Variants in TECRL observed in about 807,000 individuals in gnomAD.
TECRL encodes the protein trans-2,3-enoyl-CoA reductase-like.
In TECRL, 63 loss-of-function variants were observed where a neutral mutation model predicts 52.8. The observed-to-expected ratio is 1.19, with a 90% confidence interval of 0.97 to 1.47. TECRL has a LOEUF of 1.47. TECRL is among the 40% of genes most tolerant of loss of function. The pLI, the probability that TECRL is intolerant of heterozygous loss-of-function variation, is 0.00. For missense variants in TECRL, 482 were observed against 429.6 expected (o/e 1.12, Z -1.08); for synonymous variants, 164 against 141.9 (o/e 1.16, Z -1.10).
chr4:64,352,949 G>A (rs1720498873), intron 2 of TECRL, among the ~76,000 whole-genome samples: 2 of 152,108 alleles, frequency 1.3e-5, no homozygotes, highest in Non-Finnish European at 2.9e-5. Flanking sequence ...AACATTTTGA[G>A]CTCAAGTGAT....
At chr4:64,317,658 G>C (rs569541576) in intron 4 of TECRL, among the ~76,000 whole-genome samples, 1 of 152,266 alleles carries the variant, frequency 6.6e-6, no homozygotes, top group African/African-American at 2.4e-5. Flanking sequence ...GATAAAGATT[G>C]TGGTTTTTTT....
intron 1 of TECRL, among the ~76,000 whole-genome samples, chr4:64,388,364 T>A (rs1253167351): frequency 6.6e-6 from 1 of 151,990 alleles, no homozygotes; most frequent in African/African-American, 2.4e-5. Context: ...GGTTTTCAAT[T>A]CTGTATCATT....
At chr4:64,303,033 A>C (rs1305070534) in intron 7 of TECRL, among the ~76,000 whole-genome samples, 1 of 151,302 alleles carries the variant, frequency 6.6e-6, no homozygotes, top group African/African-American at 2.4e-5. Flanking sequence ...CCTAAAGATA[A>C]TGTAGTTTGT....
intron 8 of TECRL, among the ~76,000 whole-genome samples, chr4:64,297,335 A>G (rs2109966549): frequency 6.6e-6 from 1 of 151,458 alleles, no homozygotes; most frequent in African/African-American, 2.4e-5. Flanking sequence ...TTACATAACG[A>G]CAGGAACAAA....
chr4:64,346,856 T>C (rs1010973039), intron 2 of TECRL, among the ~76,000 whole-genome samples: 5 of 152,242 alleles, frequency 3.3e-5, no homozygotes, highest in African/African-American at 1.2e-4. Context: ...TTTTCATATG[T>C]TTGCTTTTAG....
At chr4:64,371,686 C>G (rs1220575932) in intron 2 of TECRL, among the ~76,000 whole-genome samples, 1 of 151,694 alleles carries the variant, frequency 6.6e-6, no homozygotes, top group Non-Finnish European at 1.5e-5. Flanking sequence ...ACATTTTTCT[C>G]ATTCCTGCTC....
chr4:64,281,473 C>G lies in TECRL; in HGVS notation c.918+1G>C. 6.4e-7 allele frequency: 1 copy of G among 1,567,042 alleles called. No homozygotes were observed. Among genetic ancestry groups the G allele is most frequent in the Non-Finnish European group, 8.8e-7 (1 of 1,142,544 alleles). On this transcript the variant is annotated splice_donor_variant, in intron 10 of 11. Transcript: ENST00000381210. LOFTEE classifies it high-confidence loss of function. ...AGCATTTACATACATAAATAACATA[C>G]CTCATAGGTGTAGTTAGGACATGAA...
At chr4:64,316,464 A>T (rs1053260897) in intron 4 of TECRL, among the ~76,000 whole-genome samples, 4 of 152,114 alleles carry the variant, frequency 2.6e-5, no homozygotes. Flanking sequence ...CAATGCATTT[A>T]AAAAAATTAT....
chr4:64,330,620 T>C (rs1170704254), intron 2 of TECRL, among the ~76,000 whole-genome samples: 1 of 152,070 alleles, frequency 6.6e-6, no homozygotes, highest in Non-Finnish European at 1.5e-5. Flanking sequence ...CTGGGCAATA[T>C]AATGAGACTG....
At chr4:64,406,995 A>C (rs980809963) in intron 1 of TECRL, among the ~76,000 whole-genome samples, 1 of 123,324 alleles carries the variant, frequency 8.1e-6, no homozygotes. Context: ...CAAATTCAAA[A>C]TGTTAGAAAT....
rs371049748 is a variant in TECRL at position 64,409,285 on chromosome 4, G to A, written c.67C>T (p.Arg23Trp). The A allele has an allele frequency of 4.3e-6, 7 of 1,613,506 alleles. No individual in the cohort carries two copies. Among genetic ancestry groups the A allele is most frequent in the East Asian group, 4.5e-5 (2 of 44,814 alleles). Residue 23 changes from arginine (R) to tryptophan (W), a missense_variant, in exon 1 of 12, where the codon CGG becomes TGG. By Grantham distance (101) the Arg-to-Trp change is moderately radical. Coordinates refer to ENST00000381210, the MANE Select transcript of TECRL (RefSeq NM_001010874.5). ...CTCATATCATCCTTCAGTATGAACC[G>A]TGTAGCTCTTTGGGAAAGTAATGCT... is the stretch of plus-strand genomic sequence containing the variant. ...KRALLSQRAT[R>W]FILKDDMRNF...
chr4:64,376,681 T>C (rs1294345757), intron 1 of TECRL, among the ~76,000 whole-genome samples: 9 of 151,960 alleles, frequency 5.9e-5, no homozygotes, highest in Non-Finnish European at 1.5e-5. Context: ...ATTAGTTGTA[T>C]CAAGGGCCAT....
At chr4:64,389,952 C>T (rs1173350553) in intron 1 of TECRL, among the ~76,000 whole-genome samples, 1 of 151,830 alleles carries the variant, frequency 6.6e-6, no homozygotes, top group Non-Finnish European at 1.5e-5. Flanking sequence ...GGAATATGAA[C>T]AGAAGAAGTA....
At chr4:64,370,387 A>G (rs1721894654) in intron 2 of TECRL, among the ~76,000 whole-genome samples, 1 of 151,898 alleles carries the variant, frequency 6.6e-6, no homozygotes. Flanking sequence ...TCTGAGGGAT[A>G]ATATTTGATA....
intron 1 of TECRL, among the ~76,000 whole-genome samples, chr4:64,391,368 C>G (rs1384714): frequency 6.6e-6 from 1 of 151,586 alleles, no homozygotes. Context: ...CTTGTTTTCA[C>G]AGCTGCAGAC....
intron 5 of TECRL, among the ~76,000 whole-genome samples, chr4:64,312,240 T>C (rs1717068170): frequency 1.3e-5 from 2 of 152,176 alleles, no homozygotes; most frequent in East Asian, 1.9e-4. Flanking sequence ...TAAGAATTCA[T>C]CTTAAAACAA....
chr4:64,344,649 G>A (rs1719822245), intron 2 of TECRL, among the ~76,000 whole-genome samples: 2 of 152,118 alleles, frequency 1.3e-5, no homozygotes, highest in Admixed American at 6.5e-5. Context: ...TTAAAACAAA[G>A]CTCCTATGTG....
intron 8 of TECRL, among the ~76,000 whole-genome samples, chr4:64,295,319 C>G (rs1265282245): frequency 6.6e-6 from 1 of 150,736 alleles, no homozygotes; most frequent in Non-Finnish European, 1.5e-5. Flanking sequence ...ATTTTATGAA[C>G]TTATTTTTTG....
chr4:64,379,257 C>CACACACACACACACACAT (rs1560543023), intron 1 of TECRL, among the ~76,000 whole-genome samples: 6 of 139,424 alleles, frequency 4.3e-5, no homozygotes, highest in Admixed American at 1.4e-4. Flanking sequence ...TACACACACA[C>CACACACACACACACACAT]ACACACACAC....
Sources: allele counts gnomAD v4.1 joint callset (sites outside exome capture counted in the v4.1 genomes callset), GRCh38; gene constraint gnomAD v4.1.1; transcripts MANE v1.5; gene names NCBI Gene and HGNC (gene_info 2026-07-23, HGNC 2026-07-21).